ULK4: variants seen among roughly 807,000 people sequenced by gnomAD.
The protein encoded by ULK4 is unc-51 like kinase 4.
In ULK4, 133 loss-of-function variants were observed where a neutral mutation model predicts 160.6. That is an observed-to-expected ratio of 0.83 (90% CI 0.72 to 0.96). The LOEUF is 0.96. Among genes scored for constraint, ULK4 ranks in the 40% least tolerant of loss-of-function variants. The pLI is 0.00. For synonymous variants in ULK4, 534 were observed against 539.8 expected (o/e 0.99, Z 0.15); for missense variants, 1,580 against 1,499.5 (o/e 1.05, Z -0.89).
chr3:41,606,352 C>T (rs2032383470), intron 31 of ULK4, among the ~76,000 whole-genome samples: 1 of 151,970 alleles, frequency 6.6e-6, no homozygotes, highest in South Asian at 2.1e-4. Flanking sequence ...ACTGCATATA[C>T]ATGCCACATT....
intron 22 of ULK4, among the ~76,000 whole-genome samples, chr3:41,721,254 AATTTTTT>A (rs2037444723): frequency 4.9e-5 from 2 of 40,634 alleles, no homozygotes; most frequent in African/African-American, 2.3e-4. Context: ...TTTCGCTTTG[AATTTTTT>A]TTTTTTTTTT....
chr3:41,873,434 AGCTGCCGCC>A (rs1400529965), intron 17 of ULK4, among the ~76,000 whole-genome samples: 6 of 152,166 alleles, frequency 3.9e-5, no homozygotes, highest in African/African-American at 1.4e-4. Flanking sequence ...TCAGGATTTT[AGCTGCCGCC>A]ATTTCTGACT....
intron 35 of ULK4, among the ~76,000 whole-genome samples, chr3:41,380,409 C>G (rs186793266): frequency 1.7e-3 from 257 of 152,210 alleles, no homozygotes; most frequent in Non-Finnish European, 3.0e-3. Flanking sequence ...GATAAAGCCC[C>G]AAGTGATGGA....
intron 31 of ULK4, among the ~76,000 whole-genome samples, chr3:41,566,876 G>A (rs1183931562): frequency 3.3e-5 from 5 of 152,110 alleles, no homozygotes; most frequent in East Asian, 3.9e-4. Flanking sequence ...CAAAAATAAA[G>A]AGGCAGTCTT....
chr3:41,263,846 T>C (rs1241103595), intron 35 of ULK4, among the ~76,000 whole-genome samples: 3 of 152,190 alleles, frequency 2.0e-5, no homozygotes, highest in Admixed American at 6.5e-5. Flanking sequence ...CTATGGTCAA[T>C]AGGACAGTGT....
intron 17 of ULK4, among the ~76,000 whole-genome samples, chr3:41,865,379 C>T (rs2125688257): frequency 6.9e-6 from 1 of 145,174 alleles, no homozygotes; most frequent in Middle Eastern, 3.6e-3. Context: ...TGGCTCCCAT[C>T]TCAAATTTTT....
chr3:41,832,107 T>C (rs1182089990), intron 18 of ULK4, among the ~76,000 whole-genome samples: 1 of 152,162 alleles, frequency 6.6e-6, no homozygotes, highest in African/African-American at 2.4e-5. Context: ...TGGTTCTAGA[T>C]CCCTGAGGAA....
chr3:41,901,418 G>C (rs1698355230), intron 12 of ULK4, among the ~76,000 whole-genome samples: 1 of 147,726 alleles, frequency 6.8e-6, no homozygotes, highest in South Asian at 2.2e-4. Context: ...CTGACCTCAT[G>C]ATCCACCTGC....
At chr3:41,647,590 T>C (rs982416954) in intron 30 of ULK4, among the ~76,000 whole-genome samples, 10 of 152,208 alleles carry the variant, frequency 6.6e-5, no homozygotes, top group African/African-American at 2.4e-4. Context: ...GTGTGAGGTG[T>C]CAGTCTGCCC....
chr3:41,409,366 A>G (rs1350946265), intron 34 of ULK4, among the ~76,000 whole-genome samples: 4 of 152,218 alleles, frequency 2.6e-5, no homozygotes, highest in Non-Finnish European at 4.4e-5. Flanking sequence ...ACAAGCAACA[A>G]AAGAAAAAAT....
intron 34 of ULK4, among the ~76,000 whole-genome samples, chr3:41,411,522 G>A (rs551393962): frequency 5.9e-5 from 9 of 151,412 alleles, no homozygotes; most frequent in African/African-American, 9.7e-5. Context: ...CTGCCTCCGG[G>A]GTTCAAGTGA....
intron 17 of ULK4, chr3:41,859,269 G>A (rs1482379798): frequency 3.6e-6 from 2 of 549,010 alleles, no homozygotes; most frequent in Non-Finnish European, 7.0e-6. Flanking sequence ...AGGTGGTCTG[G>A]TTTGGAGGTG....
chr3:41,268,944 C>T (rs1163034276), intron 35 of ULK4, among the ~76,000 whole-genome samples: 5 of 152,062 alleles, frequency 3.3e-5, no homozygotes, highest in African/African-American at 9.7e-5. Context: ...ATGCAGCTCG[C>T]GAAGGCCCAC....
At chr3:41,801,425 T>C (rs2040457029) in intron 19 of ULK4, among the ~76,000 whole-genome samples, 1 of 151,658 alleles carries the variant, frequency 6.6e-6, no homozygotes, top group South Asian at 2.1e-4. Flanking sequence ...TCTGAGAAGT[T>C]TTCAAATTCA....
chr3:41,951,014 G>A (rs1055229865), intron 2 of ULK4, among the ~76,000 whole-genome samples: 1 of 151,496 alleles, frequency 6.6e-6, no homozygotes, highest in African/African-American at 2.4e-5. Context: ...CATGGTGGCG[G>A]GCGCCTGTAG....
intron 36 of ULK4, among the ~76,000 whole-genome samples, chr3:41,248,716 G>A (rs574847969): frequency 3.3e-4 from 51 of 152,372 alleles, no homozygotes; most frequent in African/African-American, 1.2e-3. Flanking sequence ...CAGGTCCAGT[G>A]AAGGTCAGGC....
rs1350963447 is a variant in ULK4 at position 41,741,915 on chromosome 3, T to C, written c.2321+12446A>G. Reference sequence around the variant, plus strand: ...TCCTTCCCTTCTTTATCGCCTCTCATGTATTCCAAGAGGGTGCTAGACAAG... The same window carrying C: ...TCCTTCCCTTCTTTATCGCCTCTCACGTATTCCAAGAGGGTGCTAGACAAG... On this transcript the variant is annotated intron_variant, in intron 22 of 36. Transcript: ENST00000301831. Among the ~76,000 whole-genome samples, 4 of 151,824 alleles carry C rather than the reference T, an allele frequency of 2.6e-5. 1 individual carries two copies. Among genetic ancestry groups the C allele is most frequent in the African/African-American group, 9.7e-5 (4 of 41,144 alleles).
At chr3:41,405,001 G>T (rs965841136) in intron 34 of ULK4, among the ~76,000 whole-genome samples, 2 of 152,060 alleles carry the variant, frequency 1.3e-5, no homozygotes, top group Non-Finnish European at 2.9e-5. Flanking sequence ...TTAGATTCAG[G>T]GGTTATATTT....
At chr3:41,609,314 T>C (rs992565001) in intron 31 of ULK4, among the ~76,000 whole-genome samples, 3 of 152,194 alleles carry the variant, frequency 2.0e-5, no homozygotes, top group African/African-American at 7.2e-5. Flanking sequence ...CAGAATAAAG[T>C]TATTGTTCAG....
Sources: gnomAD v4.1 joint callset for allele counts (sites outside exome capture counted in the v4.1 genomes callset) on GRCh38, gnomAD v4.1.1 for gene constraint, MANE v1.5 for transcripts, NCBI Gene and HGNC (gene_info 2026-07-23, HGNC 2026-07-21) for gene names.